Variants in FRMD4A observed in about 807,000 individuals in gnomAD.
FRMD4A encodes the protein FERM domain containing 4A.
Under a neutral mutation model 129.1 loss-of-function variants are expected in FRMD4A, and 29 were observed. That is an observed-to-expected ratio of 0.22 (90% CI 0.17 to 0.31). FRMD4A has a LOEUF of 0.31. FRMD4A is among the 10% of genes least tolerant of loss of function. The probability of loss-of-function intolerance (pLI) is 1.00; values close to 1 mark genes in which losing one functional copy is unlikely to be tolerated. For missense variants in FRMD4A, 1,272 were observed against 1,375.8 expected (o/e 0.92, Z 1.19); for synonymous variants, 634 against 571.6 (o/e 1.11, Z -1.56).
At chr10:14,326,848 G>A in intron 2 of FRMD4A, 1 of 398,652 alleles carries the variant, frequency 2.5e-6, no homozygotes, top group South Asian at 1.3e-4. Context: ...GAACACAGCA[G>A]TATCTTCTTT....
intron 2 of FRMD4A, among the ~76,000 whole-genome samples, chr10:13,907,296 C>A (rs1443136563): frequency 4.6e-5 from 7 of 152,100 alleles, no homozygotes; most frequent in Admixed American, 1.3e-4. Context: ...ATAATAATAT[C>A]TATTATCTGT....
At chr10:14,167,800 T>C (rs1329383047) in intron 2 of FRMD4A, among the ~76,000 whole-genome samples, 1 of 151,788 alleles carries the variant, frequency 6.6e-6, no homozygotes, top group African/African-American at 2.4e-5. Context: ...CAGGGCAGGA[T>C]GGAAAAGGAT....
intron 2 of FRMD4A, among the ~76,000 whole-genome samples, chr10:13,892,255 C>A (rs954092166): frequency 1.3e-5 from 2 of 152,174 alleles, no homozygotes; most frequent in Non-Finnish European, 2.9e-5. Context: ...CCTGAGAGCC[C>A]GGAGACAGCA....
intron 3 of FRMD4A, 39 bp from the exon 4 acceptor site, chr10:13,810,947 G>A (rs1031036435): frequency 9.8e-7 from 1 of 1,023,736 alleles, no homozygotes; most frequent in Admixed American, 2.0e-5. Context: ...TAAGTGATGA[G>A]AGACTGCTTT....
At chr10:14,011,682 G>A (rs2095682993) in intron 2 of FRMD4A, among the ~76,000 whole-genome samples, 1 of 152,140 alleles carries the variant, frequency 6.6e-6, no homozygotes, top group Non-Finnish European at 1.5e-5. Context: ...CCAAAGGAAT[G>A]GGAAATGGTG....
chr10:13,949,308 AAAAAAAAAAAG>A (rs925577260), intron 2 of FRMD4A, among the ~76,000 whole-genome samples: 7 of 151,488 alleles, frequency 4.6e-5, no homozygotes, highest in South Asian at 4.2e-4. Context: ...GATCAAAAAA[AAAAAAAAAAAG>A]AAAGAAAGAA....
chr10:14,125,043 C>G (rs1266933088), intron 2 of FRMD4A, among the ~76,000 whole-genome samples: 1 of 152,104 alleles, frequency 6.6e-6, no homozygotes, highest in Admixed American at 6.5e-5. Context: ...TTCTAGCTTC[C>G]CCTTTACAAA....
rs1478646587 is a variant in FRMD4A at position 14,174,866 on chromosome 10, AGTGTGTGTGTGTCTGTG to A, written c.45+155175_45+155191del. The stretch of plus-strand genomic sequence containing the variant: ...TGAATAGTTGAGTATTAAAAAAAAA[AGTGTGTGTGTGTCTGTG>A]TGTGTGTGTGTGTGTGTGTGTGTGT... On this transcript the variant is annotated intron_variant, in intron 2 of 24. Transcript: ENST00000357447. 4.3e-5 allele frequency among the ~76,000 whole-genome samples: 6 copies of A among 139,524 alleles called. No individual in the cohort carries two copies. The East Asian group carries it at 1.3e-3, about 30-fold the overall frequency. 91.5% of individuals were successfully genotyped at this position (139,524 alleles called of 152,430 possible). A position where few individuals can be genotyped will look rare whatever the true frequency, so the allele number is the denominator to read the frequency against.
chr10:13,776,167 A>G (rs12248762), intron 6 of FRMD4A, among the ~76,000 whole-genome samples: 3,730 of 152,064 alleles, frequency 0.025, 153 homozygotes, highest in African/African-American at 0.085. Flanking sequence ...CAGTAGTGTG[A>G]TCTGGACTCT....
chr10:13,821,144 G>A lies in FRMD4A; in HGVS notation c.112-10236C>T, dbSNP rs1187372364. On this transcript the variant is annotated intron_variant, in intron 3 of 24. Coordinates refer to ENST00000357447, the MANE Select transcript of FRMD4A (RefSeq NM_018027.5). The surrounding 1 kb of genome is among the most constrained non-coding windows in gnomAD (Gnocchi z 4.3). ...GGGAGGGGAAGCTGCTGCGGGGGGTGCATGAGGTGACTCTGTGCAGCTCTG... is the reference window on the plus strand; with the variant it reads ...GGGAGGGGAAGCTGCTGCGGGGGGTACATGAGGTGACTCTGTGCAGCTCTG... Among the ~76,000 whole-genome samples the A allele has an allele frequency of 6.6e-6, 1 of 152,140 alleles. No individual in the cohort carries two copies. The highest frequency in any genetic ancestry group is 1.5e-5 in the Non-Finnish European group (1 of 68,012).
chr10:14,231,424 G>T (rs939745070), intron 2 of FRMD4A, among the ~76,000 whole-genome samples: 2 of 150,036 alleles, frequency 1.3e-5, no homozygotes, highest in South Asian at 2.2e-4. Flanking sequence ...CTCACTGAAA[G>T]CTCCACCTCC....
At chr10:13,671,702 C>T (rs2083523998) in intron 16 of FRMD4A, among the ~76,000 whole-genome samples, 3 of 152,174 alleles carry the variant, frequency 2.0e-5, no homozygotes, top group Admixed American at 2.0e-4. Context: ...GAACAATGAT[C>T]AAATCAGAGT....
chr10:14,157,218 G>T (rs1266570823), intron 2 of FRMD4A, among the ~76,000 whole-genome samples: 1 of 152,082 alleles, frequency 6.6e-6, no homozygotes, highest in Admixed American at 6.5e-5. Flanking sequence ...AAGGCTGTGG[G>T]ACCTGAACCT....
chr10:14,084,034 G>T (rs943419836), intron 2 of FRMD4A, among the ~76,000 whole-genome samples: 1 of 152,166 alleles, frequency 6.6e-6, no homozygotes, highest in African/African-American at 2.4e-5. Flanking sequence ...ACTTGTAAAT[G>T]GTCCACATGT....
At chr10:14,330,285 G>C in intron 1 of FRMD4A, 102 bp from the exon 2 acceptor site, 1 of 608,584 alleles carries the variant, frequency 1.6e-6, no homozygotes, top group Non-Finnish European at 3.0e-6. Context: ...GGGAAGACAG[G>C]GTGGGAACTG....
intron 2 of FRMD4A, among the ~76,000 whole-genome samples, chr10:14,221,620 T>C (rs1483420246): frequency 6.6e-6 from 1 of 152,036 alleles, no homozygotes; most frequent in Non-Finnish European, 1.5e-5. Context: ...AGTACAGTGG[T>C]GTGATCATGG....
At chr10:13,899,077 A>G (rs2094790873) in intron 2 of FRMD4A, among the ~76,000 whole-genome samples, 1 of 151,996 alleles carries the variant, frequency 6.6e-6, no homozygotes, top group Admixed American at 6.6e-5. Flanking sequence ...ACTTGGGAGG[A>G]TGCGGTGGGA....
intron 2 of FRMD4A, among the ~76,000 whole-genome samples, chr10:13,979,905 C>CT (rs2131401325): frequency 6.6e-6 from 1 of 152,344 alleles, no homozygotes; most frequent in Admixed American, 6.5e-5. Context: ...CTGAAACTCT[C>CT]TAACAGGCAG....
At chr10:13,689,207 G>GGGGGGGGGTGGGGGGA (rs1564616359) in intron 15 of FRMD4A, among the ~76,000 whole-genome samples, 1 of 9,402 alleles carries the variant, frequency 1.1e-4, no homozygotes. Flanking sequence ...GCGGGGGGGG[G>GGGGGGGGGTGGGGGGA]GGGGGGGGGG....
Sources: allele counts gnomAD v4.1 joint callset (sites outside exome capture counted in the v4.1 genomes callset), GRCh38; gene constraint gnomAD v4.1.1; non-coding constraint Gnocchi (gnomAD v3.1); transcripts MANE v1.5; gene names NCBI Gene and HGNC (gene_info 2026-07-23, HGNC 2026-07-21).